The following AK8 variants were observed in gnomAD, a reference collection of about 807,000 sequenced individuals.
AK8 encodes the protein adenylate kinase 8.
Under a neutral mutation model 54.6 loss-of-function variants are expected in AK8, and 44 were observed. That is an observed-to-expected ratio of 0.81 (90% confidence interval 0.63 to 1.04). The LOEUF (loss-of-function observed/expected upper bound fraction) is 1.04. Ranked by LOEUF, AK8 falls within the 50% of genes least tolerant of loss-of-function variation. The pLI is 0.00. For missense variants in AK8, 555 were observed against 613.6 expected, an observed-to-expected ratio of 0.90 and a Z score of 1.01; for synonymous variants, 239 against 245.6, an observed-to-expected ratio of 0.97 and a Z score of 0.25.
chr9:132,866,854 AG>A lies in AK8; in HGVS notation c.219+49del, dbSNP rs773194635. The A allele has an allele frequency of 2.6e-6, 4 of 1,565,728 alleles. No individual in the cohort carries two copies. In the East Asian group the frequency reaches 6.7e-5, roughly 26 times the overall value. On this transcript the variant is annotated intron_variant, in intron 3 of 12. Coordinates refer to ENST00000298545, the MANE Select transcript of AK8 (RefSeq NM_152572.3). ...AGGTGCAGTCTCATTCCAGCTCTGG[AG>A]GATCAATGAGATATTACAGCATCAC...
chr9:132,855,259 G>A (rs532165572), intron 4 of AK8, among the ~76,000 whole-genome samples: 1 of 152,192 alleles, frequency 6.6e-6, no homozygotes, highest in African/African-American at 2.4e-5. Flanking sequence ...TCCCAGGCCA[G>A]GCTGGTGCTA....
chr9:132,827,240 A>C (rs1841912234), intron 7 of AK8, 186 bp from the exon 8 acceptor site: 1 of 637,134 alleles, frequency 1.6e-6, no homozygotes, highest in Non-Finnish European at 2.8e-6. Flanking sequence ...GCTCTTAACT[A>C]TTATTCTTGT....
chr9:132,821,214 C>T (rs1841585239), intron 9 of AK8, among the ~76,000 whole-genome samples: 1 of 151,854 alleles, frequency 6.6e-6, no homozygotes, highest in Admixed American at 6.6e-5. Flanking sequence ...CCCTGCACTG[C>T]ATTAAAGTAT....
rs150636539 is a variant in AK8 at position 132,792,773 on chromosome 9, G to T, written c.982C>A (p.Pro328Thr). ...QPFFEKEMAV[P>T]DSLLMKVLSQ... Reference sequence around the variant, plus strand: ...AGCACCTTCATGAGGAGGCTGTCAGGAACTGCAGAGAAGGGGGGCAAGTGA... The same window carrying T: ...AGCACCTTCATGAGGAGGCTGTCAGTAACTGCAGAGAAGGGGGGCAAGTGA... Residue 328 changes from proline (P) to threonine (T), a missense_variant and splice_region_variant, in exon 11 of 13, where the codon CCT becomes ACT. Physicochemically the swap from Pro to Thr is conservative, Grantham distance 38. Transcript: ENST00000298545. The T allele has an allele frequency of 6.4e-7, 1 of 1,558,304 alleles. No individual in the cohort carries two copies. The highest frequency in any genetic ancestry group is 1.2e-5 in the South Asian group (1 of 84,232).
rs141723933 is a variant in AK8, at chr9:132,832,002, C to T, written c.403-3276G>A. ...CCCTTAGCCCAGGAATTTGAGGCTGCAGTGAGCTACGATCGTGCTATTGCA... is the reference window on the plus strand; with the variant it reads ...CCCTTAGCCCAGGAATTTGAGGCTGTAGTGAGCTACGATCGTGCTATTGCA... On this transcript the variant is annotated intron_variant, in intron 5 of 12. Transcript: ENST00000298545. 1.5e-3 allele frequency among the ~76,000 whole-genome samples: 191 copies of T among 129,202 alleles called. 2 individuals carry two copies. Among genetic ancestry groups the T allele is most frequent in the African/African-American group, 5.1e-3 (176 of 34,210 alleles). The allele number at this position is 129,202 out of a possible 152,430, so 84.8% of individuals were successfully genotyped here. A position where few individuals can be genotyped will look rare whatever the true frequency, so the allele number is the denominator to read the frequency against.
chr9:132,863,825 T>C (rs1564445602), intron 3 of AK8, 47 bp from the exon 4 acceptor site: 2 of 1,407,290 alleles, frequency 1.4e-6, no homozygotes, highest in Non-Finnish European at 2.0e-6. Flanking sequence ...AAACAATAAA[T>C]ACACAAATGA....
chr9:132,756,719 G>A (rs886360764), intron 11 of AK8, among the ~76,000 whole-genome samples: 6 of 152,062 alleles, frequency 3.9e-5, no homozygotes, highest in Non-Finnish European at 7.4e-5. Context: ...TGTAAGCACC[G>A]AACGCACGTC....
intron 11 of AK8, among the ~76,000 whole-genome samples, chr9:132,783,088 C>A (rs763085608): frequency 3.3e-5 from 5 of 152,180 alleles, no homozygotes; most frequent in Non-Finnish European, 7.3e-5. Context: ...AAGTTAAGGA[C>A]TGTGTTGATA....
intron 9 of AK8, among the ~76,000 whole-genome samples, chr9:132,822,606 C>T (rs916816500): frequency 2.0e-5 from 3 of 152,014 alleles, no homozygotes; most frequent in African/African-American, 4.8e-5. Context: ...TTCCTGATTC[C>T]CATCCCTTTA....
In AK8 at chr9:132,860,777, G is replaced by A. The variant is rs1290815248; in HGVS notation, c.333+2888C>T. ...GCTTCCTGCAAGCCTGGCACAGCAG[G>A]TGGCTTCCCGGGTGGGCTCTTGCAG... On this transcript the variant is annotated intron_variant, in intron 4 of 12. Coordinates refer to ENST00000298545, the MANE Select transcript of AK8 (RefSeq NM_152572.3). The surrounding 1 kb of genome is among the most constrained non-coding windows in gnomAD (Gnocchi z 4.4). Among the ~76,000 whole-genome samples the A allele has an allele frequency of 6.6e-6, 1 of 152,234 alleles. No individual in the cohort carries two copies. The highest frequency in any genetic ancestry group is 1.5e-5 in the Non-Finnish European group (1 of 68,046).
chr9:132,779,895 G>A (rs1265663868), intron 11 of AK8, among the ~76,000 whole-genome samples: 1 of 152,206 alleles, frequency 6.6e-6, no homozygotes, highest in African/African-American at 2.4e-5. Context: ...CTGGAGCAAG[G>A]ACATGGCTTC....
chr9:132,821,675 A>G (rs910621212), intron 9 of AK8, among the ~76,000 whole-genome samples: 1 of 150,238 alleles, frequency 6.7e-6, no homozygotes, highest in Admixed American at 6.7e-5. Flanking sequence ...TGGTATATAC[A>G]TATATTTGTA....
At position 132,765,616 on chromosome 9, in the gene AK8, C is replaced by T. The variant is rs75246716; in HGVS notation, c.1121+27018G>A. Among the ~76,000 whole-genome samples the T allele has an allele frequency of 9.1e-3, 1,390 of 152,168 alleles. 28 individuals are homozygous for T. Among genetic ancestry groups the T allele is most frequent in the African/African-American group, 0.032 (1,319 of 41,476 alleles). On this transcript the variant is annotated intron_variant, in intron 11 of 12. Coordinates refer to ENST00000298545, the MANE Select transcript of AK8 (RefSeq NM_152572.3). ...CCAACATAGCAAGATGAGACCCTGT[C>T]TCTAAAATAAACAAGCAAAACAACA... is the stretch of plus-strand genomic sequence containing the variant.
At chr9:132,814,835 T>C in intron 9 of AK8, 108 bp from the exon 10 acceptor site, 1 of 897,272 alleles carries the variant, frequency 1.1e-6, no homozygotes, top group Non-Finnish European at 1.7e-6. Flanking sequence ...AAAAGGTCAC[T>C]GAAAAAAGCA....
intron 11 of AK8, among the ~76,000 whole-genome samples, chr9:132,767,672 A>G (rs918463898): frequency 2.0e-5 from 3 of 152,252 alleles, no homozygotes; most frequent in Non-Finnish European, 4.4e-5. Flanking sequence ...TTACTGCAGC[A>G]CTACTCACAA....
rs377028105 is a variant in AK8, at chr9:132,875,209, C to A, written c.85-10G>T. 2.0e-5 allele frequency: 33 copies of A among 1,613,792 alleles called. No homozygotes were observed. In the African/African-American group the frequency reaches 4.4e-4, roughly 22 times the overall value. Reference sequence around the variant, plus strand: ...GTTGCTCCAGCATGTTCTGTGGGTGCAGGGCAGACACCCAGGTGGTTAATA... The same window carrying A: ...GTTGCTCCAGCATGTTCTGTGGGTGAAGGGCAGACACCCAGGTGGTTAATA... On this transcript the variant is annotated splice_polypyrimidine_tract_variant and intron_variant, in intron 1 of 12. Coordinates refer to ENST00000298545, the MANE Select transcript of AK8 (RefSeq NM_152572.3).
At chr9:132,850,286 T>C (rs1588211393) in intron 5 of AK8, among the ~76,000 whole-genome samples, 2 of 147,304 alleles carry the variant, frequency 1.4e-5, no homozygotes, top group East Asian at 4.0e-4. Flanking sequence ...ATGGCATGTG[T>C]ACGGCTGCCT....
At chr9:132,758,628 T>C (rs1000754634) in intron 11 of AK8, among the ~76,000 whole-genome samples, 4 of 151,888 alleles carry the variant, frequency 2.6e-5, no homozygotes, top group Non-Finnish European at 4.4e-5. Context: ...TTTTTTTTTT[T>C]CTGCATTTTT....
At chr9:132,861,031 G>A (rs1406613382) in intron 4 of AK8, among the ~76,000 whole-genome samples, 1 of 152,210 alleles carries the variant, frequency 6.6e-6, no homozygotes, top group East Asian at 1.9e-4. Context: ...GACATCTGTC[G>A]AAGCAGGGGA....
Sources: allele counts gnomAD v4.1 joint callset (sites outside exome capture counted in the v4.1 genomes callset), GRCh38; gene constraint gnomAD v4.1.1; non-coding constraint Gnocchi (gnomAD v3.1); transcripts MANE v1.5; gene names NCBI Gene and HGNC (gene_info 2026-07-23, HGNC 2026-07-21).